The following ST18 variants were observed in gnomAD, a reference collection of about 807,000 sequenced individuals.
ST18 encodes the protein ST18 C2H2C-type zinc finger transcription factor, also known as suppression of tumorigenicity 18 protein.
A neutral mutation model predicts 110.0 loss-of-function variants in ST18; 50 were observed. The observed-to-expected ratio is 0.45, with a 90% confidence interval of 0.36 to 0.58. The LOEUF (loss-of-function observed/expected upper bound fraction) is 0.58. Ranked by LOEUF, ST18 falls within the 20% of genes least tolerant of loss-of-function variation. The pLI, the probability that ST18 is intolerant of heterozygous loss-of-function variation, is 0.00. For synonymous variants in ST18, 461 were observed against 452.4 expected, an observed-to-expected ratio of 1.02 and a Z score of -0.24; for missense variants, 1,306 against 1,280.1, an observed-to-expected ratio of 1.02 and a Z score of -0.31.
intron 8 of ST18, chr8:52,210,238 T>C: frequency 2.4e-6 from 1 of 410,986 alleles, no homozygotes; most frequent in Non-Finnish European, 4.8e-6. Flanking sequence ...CCTCCAGAAA[T>C]ATAAGAACTT....
chr8:52,176,302 G>C (rs1159767551), intron 9 of ST18, among the ~76,000 whole-genome samples: 1 of 152,140 alleles, frequency 6.6e-6, no homozygotes, highest in East Asian at 1.9e-4. Flanking sequence ...GGTTACAGGC[G>C]TGAGCCACCG....
At chr8:52,282,466 G>A (rs1047298441) in intron 2 of ST18, among the ~76,000 whole-genome samples, 1 of 152,152 alleles carries the variant, frequency 6.6e-6, no homozygotes, top group Admixed American at 6.5e-5. Context: ...GCAACGGGGG[G>A]TTCAAGCCAC....
At chr8:52,183,379 C>T (rs1481850328) in intron 8 of ST18, among the ~76,000 whole-genome samples, 3 of 152,264 alleles carry the variant, frequency 2.0e-5, no homozygotes, top group African/African-American at 4.8e-5. Context: ...AATGAGATGG[C>T]AGTTGAAGAC....
At chr8:52,163,952 A>C in intron 13 of ST18, 34 bp downstream of exon 13, 3 of 1,546,042 alleles carry the variant, frequency 1.9e-6, no homozygotes, top group African/African-American at 1.4e-5. Context: ...GCCTGGATGA[A>C]GAGAGCACTG....
At chr8:52,203,424 G>A (rs192050081) in intron 8 of ST18, among the ~76,000 whole-genome samples, 10 of 152,218 alleles carry the variant, frequency 6.6e-5, no homozygotes, top group East Asian at 3.9e-4. Context: ...AATTCTAGGC[G>A]AGGGTTTGTA....
At chr8:52,172,607 T>C in intron 9 of ST18, 24 bp from the exon 10 acceptor site, 1 of 1,524,980 alleles carries the variant, frequency 6.6e-7, no homozygotes, top group Non-Finnish European at 8.8e-7. Flanking sequence ...AAACCAATAT[T>C]TGAAGAGCAA....
chr8:52,251,394 G>A (rs1156648030), intron 2 of ST18, among the ~76,000 whole-genome samples: 1 of 151,970 alleles, frequency 6.6e-6, no homozygotes, highest in African/African-American at 2.4e-5. Context: ...TATATTATAA[G>A]CATAGGTATA....
chr8:52,224,544 C>A (rs919740144), intron 3 of ST18, among the ~76,000 whole-genome samples: 4 of 152,160 alleles, frequency 2.6e-5, no homozygotes, highest in Non-Finnish European at 5.9e-5. Flanking sequence ...CTTTTACCAC[C>A]AGCCCATAAT....
intron 8 of ST18, among the ~76,000 whole-genome samples, chr8:52,202,681 T>G (rs1448862696): frequency 6.6e-6 from 1 of 152,148 alleles, no homozygotes; most frequent in Non-Finnish European, 1.5e-5. Flanking sequence ...CCTGAAAGAA[T>G]GAGTACAAAT....
chr8:52,376,196 C>T (rs907339560), intron 2 of ST18, among the ~76,000 whole-genome samples: 1 of 152,178 alleles, frequency 6.6e-6, no homozygotes, highest in Non-Finnish European at 1.5e-5. Flanking sequence ...CCCCACACTA[C>T]TCAGAGTACA....
chr8:52,362,018 A>G (rs1256581197), intron 2 of ST18, among the ~76,000 whole-genome samples: 3 of 152,126 alleles, frequency 2.0e-5, no homozygotes, highest in African/African-American at 4.8e-5. Flanking sequence ...CTTTGAACCT[A>G]TATTCTAGTT....
intron 2 of ST18, among the ~76,000 whole-genome samples, chr8:52,287,106 T>G (rs1274540398): frequency 6.6e-6 from 1 of 152,222 alleles, no homozygotes; most frequent in African/African-American, 2.4e-5. Context: ...ATACAAAGAC[T>G]GTTCCAAAAA....
At chr8:52,265,634 T>C (rs997223633) in intron 2 of ST18, among the ~76,000 whole-genome samples, 2 of 152,192 alleles carry the variant, frequency 1.3e-5, no homozygotes, top group African/African-American at 4.8e-5. Context: ...AAGAAATACT[T>C]CTTTTTTGGG....
At chr8:52,283,247 C>T (rs965568356) in intron 2 of ST18, among the ~76,000 whole-genome samples, 6 of 152,184 alleles carry the variant, frequency 3.9e-5, no homozygotes, top group African/African-American at 1.2e-4. Flanking sequence ...AGATAAGGCA[C>T]TCGTGCCTAA....
intron 14 of ST18, 37 bp from the exon 15 acceptor site, chr8:52,159,146 A>G (rs755855494): frequency 6.3e-6 from 10 of 1,587,938 alleles, no homozygotes; most frequent in African/African-American, 4.0e-5. Flanking sequence ...TTGCATGTAC[A>G]TGGTTTTAGT....
chr8:52,352,187 G>A (rs886414173), intron 2 of ST18, among the ~76,000 whole-genome samples: 4 of 152,094 alleles, frequency 2.6e-5, no homozygotes, highest in Admixed American at 6.5e-5. Context: ...AGTTTGCCAC[G>A]TCTGCTAAGA....
In ST18 at chr8:52,116,265, T is replaced by C; in HGVS notation, c.3003+10A>G. 1 of 1,612,380 alleles carries C rather than the reference T, an allele frequency of 6.2e-7. No homozygotes were observed. Among genetic ancestry groups the C allele is most frequent in the Admixed American group, 1.7e-5 (1 of 59,860 alleles). ...GTAATGGAATGGCAAGGTTCTGGCC[T>C]TGAACTTACCATCTGTGGAAGCTGG... is the stretch of plus-strand genomic sequence containing the variant. On this transcript the variant is annotated intron_variant, in intron 25 of 25. Transcript: ENST00000689386.
At chr8:52,208,160 G>C (rs62501021) in intron 8 of ST18, among the ~76,000 whole-genome samples, 23,968 of 152,204 alleles carry the variant, frequency 0.16, 1,981 homozygotes, top group Middle Eastern at 0.26. Flanking sequence ...GTGCCATGAA[G>C]AATATACAGT....
At chr8:52,192,236 T>C (rs987554495) in intron 8 of ST18, among the ~76,000 whole-genome samples, 3 of 152,192 alleles carry the variant, frequency 2.0e-5, no homozygotes, top group Admixed American at 6.5e-5. Context: ...GCACCATTCC[T>C]GGAAGAAACC....
Sources: gnomAD v4.1 joint callset for allele counts (sites outside exome capture counted in the v4.1 genomes callset) on GRCh38, gnomAD v4.1.1 for gene constraint, MANE v1.5 for transcripts, NCBI Gene and HGNC (gene_info 2026-07-23, HGNC 2026-07-21) for gene names.